The following WDR7 variants were observed in gnomAD, a reference collection of about 807,000 sequenced individuals.
WDR7 encodes the protein WD repeat-containing protein 7.
In WDR7, 46 loss-of-function variants were observed where a neutral mutation model predicts 169.4. That is an observed-to-expected ratio of 0.27 (90% CI 0.21 to 0.35). The LOEUF is 0.35. WDR7 is among the 10% of genes least tolerant of loss of function. The probability of loss-of-function intolerance (pLI) is 1.00; values close to 1 mark genes in which losing one functional copy is unlikely to be tolerated. For missense variants in WDR7, 1,534 were observed against 1,859.3 expected (o/e 0.83, Z 3.22); for synonymous variants, 612 against 666.8 (o/e 0.92, Z 1.27).
At chr18:57,001,944 C>T (rs1053646777) in intron 26 of WDR7, among the ~76,000 whole-genome samples, 1 of 152,092 alleles carries the variant, frequency 6.6e-6, no homozygotes, top group African/African-American at 2.4e-5. Context: ...GGCCTGTCTA[C>T]ACTGGAACCG....
At chr18:57,009,820 A>G in intron 26 of WDR7, 1 of 982,394 alleles carries the variant, frequency 1.0e-6, no homozygotes, top group Non-Finnish European at 1.2e-6. Flanking sequence ...TCTACATCAG[A>G]CAATTTTGTG....
chr18:56,693,579 T>G (rs1021483875), intron 9 of WDR7, among the ~76,000 whole-genome samples: 6 of 140,384 alleles, frequency 4.3e-5, no homozygotes, highest in African/African-American at 1.6e-4. Flanking sequence ...TTTTGTTTTT[T>G]TTTTTTTTTT....
At chr18:56,796,722 C>G (rs997984059) in intron 19 of WDR7, among the ~76,000 whole-genome samples, 1 of 152,164 alleles carries the variant, frequency 6.6e-6, no homozygotes, top group Non-Finnish European at 1.5e-5. Context: ...GAACTATGAT[C>G]AGTTCTTTTA....
intron 14 of WDR7, among the ~76,000 whole-genome samples, chr18:56,752,700 A>T (rs1599016318): frequency 2.0e-5 from 3 of 152,280 alleles, no homozygotes; most frequent in Non-Finnish European, 2.9e-5. Context: ...CACATTATTT[A>T]TGTATTTTAG....
At chr18:56,991,178 G>A (rs911017847) in intron 26 of WDR7, among the ~76,000 whole-genome samples, 5 of 133,028 alleles carry the variant, frequency 3.8e-5, no homozygotes, top group Admixed American at 8.8e-5. Context: ...ACGGAGTCTC[G>A]CTCTGTCGCC....
chr18:56,867,872 C>T (rs1039540382), intron 20 of WDR7, among the ~76,000 whole-genome samples: 6 of 151,794 alleles, frequency 4.0e-5, no homozygotes, highest in Admixed American at 6.6e-5. Flanking sequence ...GAGCCAAATT[C>T]GAAATGAAAT....
At chr18:56,876,902 G>C (rs1044086800) in intron 20 of WDR7, among the ~76,000 whole-genome samples, 1 of 152,142 alleles carries the variant, frequency 6.6e-6, no homozygotes, top group African/African-American at 2.4e-5. Context: ...CTAATTTGGG[G>C]CTGGGCACAG....
chr18:56,767,841 CT>C, intron 16 of WDR7, among the ~76,000 whole-genome samples: 1 of 152,250 alleles, frequency 6.6e-6, no homozygotes, highest in African/African-American at 2.4e-5. Flanking sequence ...ACAACCAGCA[CT>C]TTTTAACTCT....
At chr18:56,700,256 T>TC (rs1451031208) in intron 12 of WDR7, among the ~76,000 whole-genome samples, 2,903 of 92,274 alleles carry the variant, frequency 0.031, 55 homozygotes, top group African/African-American at 0.11. Context: ...CATTTTCTTT[T>TC]TTTTTTTTTT....
At chr18:56,951,412 T>C (rs868833891) in intron 25 of WDR7, among the ~76,000 whole-genome samples, 1 of 152,094 alleles carries the variant, frequency 6.6e-6, no homozygotes, top group African/African-American at 2.4e-5. Flanking sequence ...TCCTCACCTT[T>C]GTTACCTTGG....
At chr18:56,657,395 C>T (rs2024801223) in intron 1 of WDR7, among the ~76,000 whole-genome samples, 1 of 152,090 alleles carries the variant, frequency 6.6e-6, no homozygotes, top group South Asian at 2.1e-4. Flanking sequence ...GTTATCCTCC[C>T]ACCTAGGCCT....
Position 56,758,867 on chromosome 18 carries a change from C to A in WDR7, c.2762C>A (p.Pro921Gln). The A allele has an allele frequency of 6.2e-7, 1 of 1,609,102 alleles. No individual in the cohort carries two copies. The highest frequency in any genetic ancestry group is 1.1e-5 in the South Asian group (1 of 89,978). ...GTATTTTTTTCTTCTTTTTTAAGGC[C>A]ACCTAGACCAAGCACCCCAGACCTT... ...GDHMKKGPTR[P>Q]PRPSTPDLSK... The change falls in exon 16 of 28, where the codon CCA becomes CAA. Residue 921 changes from proline (P) to glutamine (Q), a missense_variant and splice_region_variant. Transcript: ENST00000254442.
At chr18:56,909,335 A>G (rs1454255315) in intron 21 of WDR7, among the ~76,000 whole-genome samples, 1 of 152,074 alleles carries the variant, frequency 6.6e-6, no homozygotes, top group Non-Finnish European at 1.5e-5. Flanking sequence ...GAGGACTTTT[A>G]AAAATTATAC....
chr18:56,684,165 A>G (rs1407818590), intron 5 of WDR7, among the ~76,000 whole-genome samples: 3 of 152,134 alleles, frequency 2.0e-5, no homozygotes, highest in Non-Finnish European at 4.4e-5. Flanking sequence ...AAAGCATTAA[A>G]ATTATGATAG....
chr18:56,876,642 A>C (rs1488423327), intron 20 of WDR7, among the ~76,000 whole-genome samples: 23 of 152,216 alleles, frequency 1.5e-4, no homozygotes. Flanking sequence ...ATCTGAGTGC[A>C]TTGCTACTCA....
intron 20 of WDR7, among the ~76,000 whole-genome samples, chr18:56,842,726 A>G (rs1483233368): frequency 6.6e-6 from 1 of 152,194 alleles, no homozygotes; most frequent in Non-Finnish European, 1.5e-5. Context: ...TCAATGGCAA[A>G]TGCACATAGG....
intron 20 of WDR7, among the ~76,000 whole-genome samples, chr18:56,844,455 A>G (rs141784883): frequency 0.015 from 2,221 of 152,270 alleles, 49 homozygotes; most frequent in African/African-American, 0.049. Context: ...TTATTGTGTT[A>G]CACCCTACTA....
intron 9 of WDR7, among the ~76,000 whole-genome samples, chr18:56,693,577 T>C (rs1211557059): frequency 7.2e-6 from 1 of 139,822 alleles, no homozygotes; most frequent in Non-Finnish European, 1.6e-5. Flanking sequence ...TTTTTTGTTT[T>C]TTTTTTTTTT....
rs191858420 is a variant in WDR7, at chr18:56,704,834, A to T, written c.1578+8372A>T. On this transcript the variant is annotated intron_variant, in intron 12 of 27. Transcript: ENST00000254442. ...CTGATTAGGCATGAAATTTACTTTT[A>T]ATAATGGTCAGAAGTGATTTCATGC... Among the ~76,000 whole-genome samples the T allele has an allele frequency of 9.8e-5, 15 of 152,344 alleles. No individual in the cohort carries two copies. The East Asian group carries it at 2.7e-3, about 27-fold the overall frequency.
Sources: gnomAD v4.1 joint callset for allele counts (sites outside exome capture counted in the v4.1 genomes callset) on GRCh38, gnomAD v4.1.1 for gene constraint, MANE v1.5 for transcripts, NCBI Gene and HGNC (gene_info 2026-07-23, HGNC 2026-07-21) for gene names.